Variants in CUX2 observed in about 807,000 individuals in gnomAD.
The protein encoded by CUX2 is homeobox protein cut-like 2.
In CUX2, 40 loss-of-function variants were observed where a neutral mutation model predicts 144.8. That is an observed-to-expected ratio of 0.28 (90% CI 0.21 to 0.36). The LOEUF (loss-of-function observed/expected upper bound fraction) is 0.36. Among genes scored for constraint, CUX2 ranks in the 10% least tolerant of loss-of-function variants. The pLI, the probability that CUX2 is intolerant of heterozygous loss-of-function variation, is 1.00. For missense variants in CUX2, 1,615 were observed against 1,994.0 expected (o/e 0.81, Z 3.62); for synonymous variants, 827 against 875.6 (o/e 0.94, Z 0.98).
At chr12:111,336,851 A>G (rs141938245) in intron 19 of CUX2, among the ~76,000 whole-genome samples, 2,628 of 152,058 alleles carry the variant, frequency 0.017, 81 homozygotes, top group African/African-American at 0.059. Context: ...ACGAAATGAT[A>G]CAAATATTGC....
In CUX2 at chr12:111,160,801, C is replaced by T. The variant is rs1205178686; in HGVS notation, c.64-53399C>T. 6.6e-6 allele frequency among the ~76,000 whole-genome samples: 1 copy of T among 151,964 alleles called. No individual in the cohort carries two copies. The highest frequency in any genetic ancestry group is 1.5e-5 in the Non-Finnish European group (1 of 67,994). ...TTAGGAGTGGGGCTGATGGGGCTTG[C>T]GGTGATGATGTAATGTGTCGGGATG... is the stretch of plus-strand genomic sequence containing the variant. On this transcript the variant is annotated intron_variant, in intron 1 of 21. Coordinates refer to ENST00000261726, the MANE Select transcript of CUX2 (RefSeq NM_015267.4). This position sits in a 1 kb window ranked among gnomAD's most constrained non-coding sequence, Gnocchi z 4.1.
Position 111,348,423 on chromosome 12 carries a change from C to T in CUX2, c.*98C>T. The T allele has an allele frequency of 8.7e-7, 1 of 1,148,002 alleles. No individual in the cohort carries two copies. Among genetic ancestry groups the T allele is most frequent in the Non-Finnish European group, 1.2e-6 (1 of 808,038 alleles). 71.1% of individuals were successfully genotyped at this position (1,148,002 alleles called of 1,614,324 possible). On this transcript the variant is annotated 3_prime_UTR_variant, in exon 22 of 22. Coordinates refer to ENST00000261726, the MANE Select transcript of CUX2 (RefSeq NM_015267.4). ...TGGGGTAAGGGAGGGAGGAACTCAA[C>T]CATCAAAATGTGGACAGCAATGTTA... is the stretch of plus-strand genomic sequence containing the variant.
At position 111,068,975 on chromosome 12, in the gene CUX2, C is replaced by T. The variant is rs1054962235; in HGVS notation, c.63+34735C>T. Among the ~76,000 whole-genome samples, 17 of 152,084 alleles carry T rather than the reference C, an allele frequency of 1.1e-4. No homozygotes were observed. The highest frequency in any genetic ancestry group is 3.6e-4 in the African/African-American group (15 of 41,414). On this transcript the variant is annotated intron_variant, in intron 1 of 21. Coordinates refer to ENST00000261726, the MANE Select transcript of CUX2 (RefSeq NM_015267.4). The surrounding 1 kb of genome is among the most constrained non-coding windows in gnomAD (Gnocchi z 4.9). ...ACAAAAAATAGCCGGACTGGGTGGC[C>T]TGTACCTGTAATCTCAGCTACTCGG...
At chr12:111,054,487 A>G (rs1303616456) in intron 1 of CUX2, among the ~76,000 whole-genome samples, 1 of 152,270 alleles carries the variant, frequency 6.6e-6, no homozygotes, top group African/African-American at 2.4e-5. Context: ...AGAGCAGCTC[A>G]GAAGAGCTTT....
rs1257933493 is a variant in CUX2 at position 111,289,349 on chromosome 12, T to C, written c.302-2069T>C. Among the ~76,000 whole-genome samples the C allele has an allele frequency of 6.6e-6, 1 of 152,112 alleles. No homozygotes were observed. The highest frequency in any genetic ancestry group is 6.6e-5 in the Admixed American group (1 of 15,262). On this transcript the variant is annotated intron_variant, in intron 4 of 21. Coordinates refer to ENST00000261726, the MANE Select transcript of CUX2 (RefSeq NM_015267.4). The surrounding 1 kb of genome is among the most constrained non-coding windows in gnomAD (Gnocchi z 4.1). The stretch of plus-strand genomic sequence containing the variant: ...AAAGCAAGAGACCCAGATTCGAGTC[T>C]CACATCTACCTTTCAGCAAGTCACC...
At chr12:111,105,315 G>A (rs1031138877) in intron 1 of CUX2, among the ~76,000 whole-genome samples, 1 of 152,238 alleles carries the variant, frequency 6.6e-6, no homozygotes, top group African/African-American at 2.4e-5. Flanking sequence ...GGAATGATCA[G>A]CCATGGCCTC....
intron 1 of CUX2, among the ~76,000 whole-genome samples, chr12:111,156,529 C>T (rs1429187714): frequency 1.3e-5 from 2 of 152,162 alleles, no homozygotes; most frequent in Non-Finnish European, 2.9e-5. Context: ...TGACCCCTAG[C>T]GTCTTTCTCT....
Position 111,306,912 on chromosome 12 carries a change from T to C in CUX2, c.859-9T>C, listed in dbSNP as rs1426538607. ...CCTCTCAGCCCCTCAAAGACCCCTT[T>C]GCCTGCAGGATAAGGTGAACTTCAC... On this transcript the variant is annotated splice_polypyrimidine_tract_variant and intron_variant, in intron 10 of 21. Transcript: ENST00000261726. 2.5e-6 allele frequency: 4 copies of C among 1,582,164 alleles called. No homozygotes were observed. The African/African-American group carries it at 5.4e-5, about 21-fold the overall frequency.
intron 1 of CUX2, among the ~76,000 whole-genome samples, chr12:111,204,061 AG>A (rs937890839): frequency 2.0e-5 from 3 of 152,298 alleles, no homozygotes; most frequent in Admixed American, 2.0e-4. Context: ...GAACCCCTGC[AG>A]TCCACCAGCC....
intron 3 of CUX2, among the ~76,000 whole-genome samples, chr12:111,233,504 C>A (rs765988034): frequency 1.3e-5 from 2 of 152,108 alleles, no homozygotes; most frequent in African/African-American, 2.4e-5. Context: ...AGATTAAAAT[C>A]AACTGAATCC....
chr12:111,139,090 T>G (rs1276296826), intron 1 of CUX2, among the ~76,000 whole-genome samples: 1 of 151,464 alleles, frequency 6.6e-6, no homozygotes, highest in Non-Finnish European at 1.5e-5. Context: ...TTGATCGCCA[T>G]GTGACCTCCA....
chr12:111,125,308 T>C (rs1874988926), intron 1 of CUX2, among the ~76,000 whole-genome samples: 1 of 151,902 alleles, frequency 6.6e-6, no homozygotes, highest in Non-Finnish European at 1.5e-5. Flanking sequence ...GCCACCTGAG[T>C]AGCTGGGACT....
At chr12:111,081,335 G>C (rs1871874548) in intron 1 of CUX2, among the ~76,000 whole-genome samples, 1 of 152,076 alleles carries the variant, frequency 6.6e-6, no homozygotes. Flanking sequence ...TGTTTGGGAG[G>C]GGAAGACCAG....
chr12:111,042,291 C>G lies in CUX2; in HGVS notation c.63+8051C>G, dbSNP rs563262576. ...TTGCGGATCCGGAGACCACAGGGGT[C>G]ACAGGGGCCGCCAGTCCAGGGCAGA... is the stretch of plus-strand genomic sequence containing the variant. On this transcript the variant is annotated intron_variant, in intron 1 of 21. Transcript: ENST00000261726. Among the ~76,000 whole-genome samples, 58 of 152,276 alleles carry G rather than the reference C, an allele frequency of 3.8e-4. 1 individual carries two copies. Among genetic ancestry groups the G allele is most frequent in the African/African-American group, 1.4e-3 (58 of 41,550 alleles).
intron 4 of CUX2, among the ~76,000 whole-genome samples, chr12:111,268,232 G>A (rs1260366782): frequency 7.0e-6 from 1 of 142,480 alleles, no homozygotes; most frequent in East Asian, 2.2e-4. Context: ...TTTGTTTTTT[G>A]TTTTTTTTAA....
In CUX2 at chr12:111,034,858, G is replaced by A. The variant is rs1869344301; in HGVS notation, c.63+618G>A. The stretch of plus-strand genomic sequence containing the variant: ...CGCAGCCCGGACGCGCCGCCACCCG[G>A]GGGCCGCCGCCGCCGCCGCCAGAGC... On this transcript the variant is annotated intron_variant, in intron 1 of 21. Transcript: ENST00000261726. This position sits in a 1 kb window ranked among gnomAD's most constrained non-coding sequence, Gnocchi z 4.2. 6.7e-6 allele frequency among the ~76,000 whole-genome samples: 1 copy of A among 149,040 alleles called. No homozygotes were observed. The highest frequency in any genetic ancestry group is 6.7e-5 in the Admixed American group (1 of 15,014).
chr12:111,310,196 G>A lies in CUX2; in HGVS notation c.1414G>A (p.Gly472Ser), dbSNP rs563847572. 12 of 1,532,460 alleles carry A rather than the reference G, an allele frequency of 7.8e-6. No individual in the cohort carries two copies. Among genetic ancestry groups the A allele is most frequent in the Admixed American group, 6.4e-5 (3 of 46,552 alleles). The allele number at this position is 1,532,460 out of a possible 1,614,324, so 94.9% of individuals were successfully genotyped here. The change falls in exon 15 of 22, where the codon GGC (glycine) becomes AGC (serine). Residue 472 changes from glycine (G) to serine (S), a missense_variant. Physicochemically the swap from Gly to Ser is moderately conservative, Grantham distance 56. This residue lies in a region of CUX2 where 154 missense variants were observed against 148.4 expected (regional missense o/e 1.04). Transcript: ENST00000261726. The surrounding 1 kb of genome is among the most constrained non-coding windows in gnomAD (Gnocchi z 7.9). ...GCTGGGCCCCAGCTTGGGGCCTGACGGCACTCGGACTTTCTCGCTGTCCCC... is the reference window on the plus strand; with the variant it reads ...GCTGGGCCCCAGCTTGGGGCCTGACAGCACTCGGACTTTCTCGCTGTCCCC... ...PLLGPSLGPDGTRTFSLSPFP... is the reference protein window; with the variant it reads ...PLLGPSLGPDSTRTFSLSPFP...
intron 3 of CUX2, among the ~76,000 whole-genome samples, chr12:111,254,083 T>C (rs369538760): frequency 4.6e-5 from 7 of 152,000 alleles, no homozygotes; most frequent in East Asian, 3.9e-4. Context: ...CACTGGCTAG[T>C]TGAGGAAATG....
At chr12:111,291,895 A>G (rs1486393514) in intron 5 of CUX2, among the ~76,000 whole-genome samples, 1 of 152,120 alleles carries the variant, frequency 6.6e-6, no homozygotes, top group African/African-American at 2.4e-5. Flanking sequence ...CCTCTGCCCC[A>G]GTGACGAATT....
Sources: gnomAD v4.1 joint callset for allele counts (sites outside exome capture counted in the v4.1 genomes callset) on GRCh38, gnomAD v4.1.1 for gene constraint, gnomAD v4.1.1 regional missense constraint, Gnocchi (gnomAD v3.1) non-coding constraint, MANE v1.5 for transcripts, NCBI Gene and HGNC (gene_info 2026-07-23, HGNC 2026-07-21) for gene names.